Variants in COL24A1 observed in about 807,000 individuals in gnomAD.
COL24A1 encodes the protein collagen alpha-1(XXIV) chain.
A neutral mutation model predicts 253.9 loss-of-function variants in COL24A1; 224 were observed. The ratio of observed to expected loss-of-function variants is 0.88; its 90% CI spans 0.79 to 0.99. The LOEUF is 0.99. COL24A1 is among the 50% of genes least tolerant of loss of function. The pLI is 0.00. For missense variants in COL24A1, 2,131 were observed against 2,068.5 expected, an observed-to-expected ratio of 1.03 and a Z score of -0.59; for synonymous variants, 685 against 673.7, an observed-to-expected ratio of 1.02 and a Z score of -0.26.
intron 5 of COL24A1, among the ~76,000 whole-genome samples, chr1:86,095,147 A>C (rs990800040): frequency 3.0e-4 from 45 of 152,154 alleles, no homozygotes; most frequent in African/African-American, 1.0e-3. Flanking sequence ...ATCATGTTAA[A>C]AATTCTTACG....
intron 52 of COL24A1, among the ~76,000 whole-genome samples, chr1:85,778,059 A>ATCTATCTATCTG (rs1553173132): frequency 6.6e-6 from 1 of 151,668 alleles, no homozygotes; most frequent in African/African-American, 2.4e-5. Flanking sequence ...CTATCTATCT[A>ATCTATCTATCTG]TCTATCTATC....
chr1:85,842,893 T>C, intron 39 of COL24A1, among the ~76,000 whole-genome samples: 1 of 152,136 alleles, frequency 6.6e-6, no homozygotes. Flanking sequence ...ATGTAATAGT[T>C]ACCCTATGAT....
intron 43 of COL24A1, among the ~76,000 whole-genome samples, chr1:85,824,916 T>C (rs1325748945): frequency 7.0e-6 from 1 of 142,800 alleles, no homozygotes; most frequent in Non-Finnish European, 1.5e-5. Flanking sequence ...ATTATTATTA[T>C]TATTATTATT....
chr1:86,065,350 G>T (rs149662400), intron 7 of COL24A1, among the ~76,000 whole-genome samples: 2 of 152,038 alleles, frequency 1.3e-5, no homozygotes, highest in African/African-American at 4.8e-5. Context: ...AAATGCAATC[G>T]TGGCACAATT....
At chr1:85,911,328 G>T in intron 25 of COL24A1, 52 bp downstream of exon 25, 2 of 1,406,998 alleles carry the variant, frequency 1.4e-6, no homozygotes, top group South Asian at 1.2e-5. Flanking sequence ...TCTGCCTTTT[G>T]AATTTAGCCT....
intron 12 of COL24A1, among the ~76,000 whole-genome samples, chr1:86,038,447 A>C (rs925192368): frequency 2.0e-5 from 3 of 152,104 alleles, no homozygotes; most frequent in African/African-American, 7.2e-5. Flanking sequence ...AAAAACCTTC[A>C]TGGCATTCAG....
chr1:85,813,515 G>GA (rs1287686853), intron 47 of COL24A1, among the ~76,000 whole-genome samples: 1 of 127,312 alleles, frequency 7.9e-6, no homozygotes, highest in Non-Finnish European at 1.6e-5. Flanking sequence ...CAAATTACTA[G>GA]AAAATCTCAT....
intron 24 of COL24A1, among the ~76,000 whole-genome samples, chr1:85,941,079 A>G (rs1276660573): frequency 6.6e-6 from 1 of 152,220 alleles, no homozygotes; most frequent in African/African-American, 2.4e-5. Context: ...TTCTCTTGCT[A>G]TGACACTTGT....
At chr1:85,896,305 T>A in intron 29 of COL24A1, 51 bp downstream of exon 29, 1 of 1,487,980 alleles carries the variant, frequency 6.7e-7, no homozygotes, top group Non-Finnish European at 9.4e-7. Context: ...GTAGGACATA[T>A]GATCTCAATA....
intron 24 of COL24A1, among the ~76,000 whole-genome samples, chr1:85,915,645 G>A (rs1190682687): frequency 1.3e-5 from 2 of 151,916 alleles, no homozygotes; most frequent in Admixed American, 1.3e-4. Flanking sequence ...CAAACTATTC[G>A]GAAAAAATCA....
intron 5 of COL24A1, among the ~76,000 whole-genome samples, chr1:86,093,116 A>C (rs1703626244): frequency 6.6e-6 from 1 of 152,078 alleles, no homozygotes; most frequent in Non-Finnish European, 1.5e-5. Flanking sequence ...TACTATTTTC[A>C]CTGGGAAATA....
At chr1:86,027,900 C>T (rs1698197206) in intron 14 of COL24A1, among the ~76,000 whole-genome samples, 1 of 152,148 alleles carries the variant, frequency 6.6e-6, no homozygotes, top group Admixed American at 6.6e-5. Flanking sequence ...GGTGGTGCTG[C>T]CCAAGGCTGT....
intron 14 of COL24A1, among the ~76,000 whole-genome samples, chr1:86,025,984 A>G (rs148090506): frequency 1.3e-5 from 2 of 152,192 alleles, no homozygotes; most frequent in Admixed American, 1.3e-4. Flanking sequence ...GTGGTTTTAC[A>G]TTTAATCAAT....
chr1:86,081,826 T>C (rs1702660722), intron 7 of COL24A1, among the ~76,000 whole-genome samples: 1 of 152,164 alleles, frequency 6.6e-6, no homozygotes, highest in South Asian at 2.1e-4. Flanking sequence ...TAAATTGTGG[T>C]AACCAAAATA....
rs190098445 is a variant in COL24A1 at position 85,981,170 on chromosome 1, C to T, written c.2364+6431G>A. On this transcript the variant is annotated intron_variant, in intron 20 of 59. Coordinates refer to ENST00000370571, the MANE Select transcript of COL24A1 (RefSeq NM_152890.7). Reference sequence around the variant, plus strand: ...CACAATACTAAAATTCCTTTGGAACCAAAAAAGACCCTGAATAGCCAAAGC... The same window carrying T: ...CACAATACTAAAATTCCTTTGGAACTAAAAAAGACCCTGAATAGCCAAAGC... Among the ~76,000 whole-genome samples, 380 of 152,046 alleles carry T rather than the reference C, an allele frequency of 2.5e-3. 1 individual carries two copies. Among genetic ancestry groups the T allele is most frequent in the African/African-American group, 7.9e-3 (326 of 41,476 alleles).
At chr1:85,884,020 C>T (rs928526555) in intron 32 of COL24A1, among the ~76,000 whole-genome samples, 3 of 152,044 alleles carry the variant, frequency 2.0e-5, no homozygotes, top group African/African-American at 7.2e-5. Flanking sequence ...CACTCCTTTC[C>T]TAGATGAGTT....
chr1:86,048,275 T>C (rs1021728273), intron 11 of COL24A1, among the ~76,000 whole-genome samples: 1 of 152,158 alleles, frequency 6.6e-6, no homozygotes, highest in Non-Finnish European at 1.5e-5. Flanking sequence ...CAGAAATGAC[T>C]TCTTTCCATT....
chr1:85,861,117 A>AGCAATGTATAAGG (rs1679100042), intron 37 of COL24A1, among the ~76,000 whole-genome samples: 1 of 152,210 alleles, frequency 6.6e-6, no homozygotes, highest in South Asian at 2.1e-4. Flanking sequence ...ATATCTCATC[A>AGCAATGTATAAGG]GCAATGTATA....
intron 59 of COL24A1, among the ~76,000 whole-genome samples, chr1:85,731,652 C>T (rs1663483125): frequency 6.6e-6 from 1 of 152,138 alleles, no homozygotes; most frequent in Non-Finnish European, 1.5e-5. Flanking sequence ...TTGTGAAATA[C>T]ACGATGAATA....
Sources: gnomAD v4.1 joint callset for allele counts (sites outside exome capture counted in the v4.1 genomes callset) on GRCh38, gnomAD v4.1.1 for gene constraint, MANE v1.5 for transcripts, NCBI Gene and HGNC (gene_info 2026-07-23, HGNC 2026-07-21) for gene names.